Variants in INPP4B observed in about 807,000 individuals in gnomAD.
INPP4B encodes inositol polyphosphate 4-phosphatase type II.
INPP4B carries 55 observed loss-of-function variants against 122.5 expected under a neutral mutation model. That is an observed-to-expected ratio of 0.45 (90% CI 0.36 to 0.56). The LOEUF is 0.56. Among genes scored for constraint, INPP4B ranks in the 20% least tolerant of loss-of-function variants. The pLI is 0.00. For missense variants in INPP4B, 1,000 were observed against 1,097.7 expected (o/e 0.91, Z 1.26); for synonymous variants, 403 against 388.7 (o/e 1.04, Z -0.43).
At chr4:142,209,853 G>A (rs1220152170) in intron 12 of INPP4B, among the ~76,000 whole-genome samples, 1 of 149,914 alleles carries the variant, frequency 6.7e-6, no homozygotes, top group Non-Finnish European at 1.5e-5. Context: ...GTCACGTATG[G>A]TTTTATTGGC....
At chr4:142,212,164 A>C (rs1057472529) in intron 12 of INPP4B, among the ~76,000 whole-genome samples, 2 of 152,108 alleles carry the variant, frequency 1.3e-5, no homozygotes, top group Non-Finnish European at 2.9e-5. Context: ...ACCCGATAGC[A>C]TACAAAACAA....
intron 2 of INPP4B, among the ~76,000 whole-genome samples, chr4:142,620,773 TG>T (rs1178079115): frequency 6.6e-6 from 1 of 152,038 alleles, no homozygotes; most frequent in Non-Finnish European, 1.5e-5. Flanking sequence ...TTTCAGATTT[TG>T]TTCAAGTTTT....
intron 12 of INPP4B, among the ~76,000 whole-genome samples, chr4:142,210,538 T>C (rs1205589554): frequency 1.3e-5 from 2 of 152,112 alleles, no homozygotes; most frequent in East Asian, 3.9e-4. Flanking sequence ...AATGGCAGGA[T>C]GTACAAGTTC....
chr4:142,638,409 G>T (rs1749629091), intron 2 of INPP4B, among the ~76,000 whole-genome samples: 2 of 152,060 alleles, frequency 1.3e-5, no homozygotes, highest in Non-Finnish European at 2.9e-5. Flanking sequence ...TTTTGCCTGT[G>T]TTATTGTAGT....
chr4:142,397,587 C>A (rs1252253423), intron 7 of INPP4B, among the ~76,000 whole-genome samples: 1 of 152,148 alleles, frequency 6.6e-6, no homozygotes, highest in Admixed American at 6.5e-5. Context: ...TGCCTGTAAT[C>A]CCAGCACTTT....
chr4:142,748,399 A>G (rs1580827289), intron 1 of INPP4B, among the ~76,000 whole-genome samples: 1 of 152,054 alleles, frequency 6.6e-6, no homozygotes, highest in Non-Finnish European at 1.5e-5. Context: ...AACAGAAGCC[A>G]AAGAATTAAA....
At chr4:142,208,832 T>G (rs1386951351) in intron 13 of INPP4B, 64 bp downstream of exon 13, 1 of 1,217,516 alleles carries the variant, frequency 8.2e-7, no homozygotes, top group Non-Finnish European at 1.1e-6. Flanking sequence ...TTATTATTTT[T>G]TTTTTCATTT....
At chr4:142,264,441 C>A (rs543108029) in intron 10 of INPP4B, among the ~76,000 whole-genome samples, 1 of 151,902 alleles carries the variant, frequency 6.6e-6, no homozygotes, top group Non-Finnish European at 1.5e-5. Flanking sequence ...ATGCTAGTTT[C>A]GAAAAAAGAC....
At chr4:142,173,933 C>T in intron 15 of INPP4B, 124 bp from the exon 16 acceptor site, 6 of 800,856 alleles carry the variant, frequency 7.5e-6, no homozygotes, top group Non-Finnish European at 1.2e-5. Flanking sequence ...AAGAACTGTC[C>T]TAAGAGATTT....
chr4:142,580,989 A>C (rs1734933885), intron 2 of INPP4B, among the ~76,000 whole-genome samples: 1 of 152,058 alleles, frequency 6.6e-6, no homozygotes, highest in Non-Finnish European at 1.5e-5. Context: ...AGCAAAGTGT[A>C]ACTTAGAACT....
chr4:142,291,578 C>G (rs1320150457), intron 9 of INPP4B, among the ~76,000 whole-genome samples: 1 of 152,182 alleles, frequency 6.6e-6, no homozygotes, highest in Non-Finnish European at 1.5e-5. Context: ...GTTGCTTGCT[C>G]TCTACTCCCA....
chr4:142,603,481 T>A (rs1008567823), intron 2 of INPP4B, among the ~76,000 whole-genome samples: 1 of 150,794 alleles, frequency 6.6e-6, no homozygotes, highest in African/African-American at 2.4e-5. Flanking sequence ...GCTAACTCAT[T>A]TAAGAAGAGA....
intron 12 of INPP4B, among the ~76,000 whole-genome samples, chr4:142,233,096 G>C (rs1009492293): frequency 1.3e-5 from 2 of 152,174 alleles, no homozygotes; most frequent in Non-Finnish European, 2.9e-5. Flanking sequence ...AAGTTATCCA[G>C]AAGATCTAGC....
At chr4:142,124,438 T>C (rs1446256915) in intron 19 of INPP4B, 150 bp downstream of exon 19, 3 of 661,282 alleles carry the variant, frequency 4.5e-6, no homozygotes, top group African/African-American at 3.6e-5. Context: ...ATTCAGCTGA[T>C]ATTTATCGTG....
chr4:142,626,139 T>G, intron 2 of INPP4B, among the ~76,000 whole-genome samples: 1 of 152,134 alleles, frequency 6.6e-6, no homozygotes, highest in Admixed American at 6.6e-5. Context: ...AAATGGGATC[T>G]CATTAAACTA....
intron 1 of INPP4B, among the ~76,000 whole-genome samples, chr4:142,786,284 A>G (rs1236379340): frequency 6.6e-6 from 1 of 152,114 alleles, no homozygotes; most frequent in East Asian, 1.9e-4. Context: ...AAAACCTCAT[A>G]TTGATGGGAC....
intron 2 of INPP4B, among the ~76,000 whole-genome samples, chr4:142,670,051 T>C (rs1367663109): frequency 6.6e-6 from 1 of 152,160 alleles, no homozygotes; most frequent in Non-Finnish European, 1.5e-5. Flanking sequence ...AAATAAACAA[T>C]TCATAAGTTT....
In INPP4B at chr4:142,508,365, C is replaced by A. The variant is rs2042644; in HGVS notation, c.-190-45639G>T. On this transcript the variant is annotated intron_variant, in intron 2 of 25. Coordinates refer to ENST00000262992, the MANE Select transcript of INPP4B (RefSeq NM_001101669.3). The stretch of plus-strand genomic sequence containing the variant: ...ATTGGCTCCCTGTAACCTCTGCTCC[C>A]AGATTCAAGTGATTCTCCTGCCTCA... Among the ~76,000 whole-genome samples, 16 of 152,118 alleles carry A rather than the reference C, an allele frequency of 1.1e-4. No individual in the cohort carries two copies. In the East Asian group the frequency reaches 2.5e-3, roughly 24 times the overall value.
chr4:142,794,686 GATA>G (rs543898479), intron 1 of INPP4B, among the ~76,000 whole-genome samples: 10 of 151,796 alleles, frequency 6.6e-5, no homozygotes, highest in African/African-American at 2.2e-4. Flanking sequence ...CAATCTGGGA[GATA>G]ATATTTGTAA....
Sources: gnomAD v4.1 joint callset for allele counts (sites outside exome capture counted in the v4.1 genomes callset) on GRCh38, gnomAD v4.1.1 for gene constraint, MANE v1.5 for transcripts, NCBI Gene and HGNC (gene_info 2026-07-23, HGNC 2026-07-21) for gene names.